MID1: variants seen among roughly 807,000 people sequenced by gnomAD.
MID1 encodes the protein midline 1.
MID1 carries 7 observed loss-of-function variants against 40.4 expected under a neutral mutation model. That is an observed-to-expected ratio of 0.17 (90% CI 0.10 to 0.33). The LOEUF is 0.33. MID1 is among the 10% of genes least tolerant of loss of function. The pLI is 1.00. For synonymous variants in MID1, 229 were observed against 221.2 expected, an observed-to-expected ratio of 1.04 and a Z score of -0.31; for missense variants, 367 against 558.5, an observed-to-expected ratio of 0.66 and a Z score of 3.46.
intron 1 of MID1, among the ~76,000 whole-genome samples, chrX:10,758,580 T>C (rs1280528170): frequency 1.1e-5 from 1 of 94,903 alleles, no homozygotes. Flanking sequence ...AAGCTCCGCC[T>C]CCCAGGTTCA....
At chrX:10,671,642 T>C (rs2042987757) in intron 1 of MID1, among the ~76,000 whole-genome samples, 1 of 111,365 alleles carries the variant, frequency 9.0e-6, no homozygotes, top group South Asian at 3.8e-4. Context: ...ACCTGAGATA[T>C]CCAAGTCACA....
chrX:10,556,339 C>T (rs889857685), intron 2 of MID1, among the ~76,000 whole-genome samples: 4 of 111,414 alleles, frequency 3.6e-5, no homozygotes, highest in Non-Finnish European at 7.5e-5. Flanking sequence ...CCCTGCCACC[C>T]GCATCCCCAG....
intron 2 of MID1, among the ~76,000 whole-genome samples, chrX:10,531,095 T>C (rs1020133242): frequency 9.0e-6 from 1 of 111,348 alleles, no homozygotes; most frequent in Non-Finnish European, 1.9e-5. Context: ...ATTCAGCAAC[T>C]GTATTCGGAG....
At chrX:10,644,978 C>T (rs1180740727) in intron 1 of MID1, among the ~76,000 whole-genome samples, 2 of 112,111 alleles carry the variant, frequency 1.8e-5, no homozygotes, top group African/African-American at 6.5e-5. Flanking sequence ...ATCTTTTGAA[C>T]TTCTTCCTAA....
intron 5 of MID1, among the ~76,000 whole-genome samples, chrX:10,479,515 T>C (rs1309887960): frequency 9.0e-6 from 1 of 111,001 alleles, no homozygotes; most frequent in Non-Finnish European, 1.9e-5. Flanking sequence ...TCCCAGCCTC[T>C]GGTAACCATC....
chrX:10,554,405 C>T (rs1201234149), intron 2 of MID1, among the ~76,000 whole-genome samples: 1 of 112,100 alleles, frequency 8.9e-6, no homozygotes, highest in Non-Finnish European at 1.9e-5. Flanking sequence ...ACTCCACCTT[C>T]CTGTACTACC....
At position 10,776,799 on chromosome X, in the gene MID1, TA is replaced by T. The variant is rs1018258307; in HGVS notation, c.-187+56754del. Among the ~76,000 whole-genome samples, 8 of 111,747 alleles carry T rather than the reference TA, an allele frequency of 7.2e-5. No individual in the cohort carries two copies. In the Admixed American group the frequency reaches 7.6e-4, roughly 11 times the overall value. Reference sequence around the variant, plus strand: ...CCAGTTTCTAAAAAAGTTTTAAAAATAAAAAAAAGAAAACAGGAAAATAAAC... The same window carrying T: ...CCAGTTTCTAAAAAAGTTTTAAAAATAAAAAAAGAAAACAGGAAAATAAAC... On this transcript the variant is annotated intron_variant, in intron 1 of 10. Coordinates refer to the MID1 transcript ENST00000380785.
intron 1 of MID1, among the ~76,000 whole-genome samples, chrX:10,774,631 C>T (rs1260256006): frequency 9.0e-6 from 1 of 111,153 alleles, no homozygotes; most frequent in African/African-American, 3.3e-5. Context: ...CCTTCACAGC[C>T]AGCTTACAAG....
chrX:10,702,732 G>A (rs1157357564), intron 1 of MID1, among the ~76,000 whole-genome samples: 1 of 112,022 alleles, frequency 8.9e-6, no homozygotes, highest in African/African-American at 3.3e-5. Flanking sequence ...TTAACATTAT[G>A]GACTAAATGT....
chrX:10,640,834 T>G (rs1936184470), intron 1 of MID1, among the ~76,000 whole-genome samples: 1 of 111,445 alleles, frequency 9.0e-6, no homozygotes, highest in Non-Finnish European at 1.9e-5. Flanking sequence ...CACAGTGCAA[T>G]CAAACTAGAA....
chrX:10,804,519 T>C (rs184907550), intron 1 of MID1, among the ~76,000 whole-genome samples: 22 of 112,024 alleles, frequency 2.0e-4, no homozygotes, highest in African/African-American at 6.5e-4. Context: ...CCCTCACCCA[T>C]TGTATCTTTA....
At chrX:10,680,188 G>C (rs971112441) in intron 1 of MID1, among the ~76,000 whole-genome samples, 1 of 112,016 alleles carries the variant, frequency 8.9e-6, no homozygotes, top group African/African-American at 3.2e-5. Flanking sequence ...CCTACTCAGG[G>C]CAAGGTCTTC....
At chrX:10,707,600 T>C (rs1286287776) in intron 1 of MID1, among the ~76,000 whole-genome samples, 1 of 112,395 alleles carries the variant, frequency 8.9e-6, no homozygotes, top group African/African-American at 3.2e-5. Context: ...GAAAGATATA[T>C]AACTTACATT....
At chrX:10,469,417 T>A (rs1156495777) in intron 7 of MID1, 1 of 1,065,985 alleles carries the variant, frequency 9.4e-7, no homozygotes, top group African/African-American at 1.9e-5. Flanking sequence ...TCTATGTATC[T>A]CTCTATATAT....
chrX:10,643,386 T>C (rs1379261666), intron 1 of MID1, among the ~76,000 whole-genome samples: 1 of 111,826 alleles, frequency 8.9e-6, no homozygotes, highest in Admixed American at 9.4e-5. Context: ...AAAGAAGACA[T>C]TTATGCAGCC....
At chrX:10,638,573 C>A (rs1400776549) in intron 1 of MID1, among the ~76,000 whole-genome samples, 1 of 112,501 alleles carries the variant, frequency 8.9e-6, no homozygotes, top group Admixed American at 9.4e-5. Flanking sequence ...GACTCCACCT[C>A]TGGGGTCAGG....
At chrX:10,492,380 C>G (rs1391052472) in intron 4 of MID1, among the ~76,000 whole-genome samples, 2 of 111,149 alleles carry the variant, frequency 1.8e-5, no homozygotes, top group Non-Finnish European at 3.8e-5. Flanking sequence ...CTCAGCCTAC[C>G]CTGCTCTGAT....
intron 1 of MID1, among the ~76,000 whole-genome samples, chrX:10,752,338 C>A (rs2043605297): frequency 9.0e-6 from 1 of 111,577 alleles, no homozygotes; most frequent in Non-Finnish European, 1.9e-5. Flanking sequence ...GTGCAGGGGG[C>A]AAGCATGCGA....
intron 1 of MID1, among the ~76,000 whole-genome samples, chrX:10,619,630 CAGA>C (rs1288107662): frequency 1.8e-5 from 2 of 112,622 alleles, no homozygotes; most frequent in Admixed American, 9.4e-5. Flanking sequence ...CCCAGAGCCA[CAGA>C]AGAAGCTGTT....
Sources: gnomAD v4.1 joint callset for allele counts (sites outside exome capture counted in the v4.1 genomes callset) on GRCh38, gnomAD v4.1.1 for gene constraint, MANE v1.5 for transcripts, NCBI Gene and HGNC (gene_info 2026-07-23, HGNC 2026-07-21) for gene names.